KATNAL1: variants seen among roughly 807,000 people sequenced by gnomAD.
KATNAL1 encodes the protein katanin p60 ATPase-containing subunit A-like 1.
In KATNAL1, 32 loss-of-function variants were observed where a neutral mutation model predicts 55.2. The observed-to-expected ratio is 0.58, with a 90% CI of 0.44 to 0.78. The LOEUF is 0.78. KATNAL1 is among the 30% of genes least tolerant of loss of function. The probability of loss-of-function intolerance (pLI) is 0.00; values close to 1 mark genes in which losing one functional copy is unlikely to be tolerated. For synonymous variants in KATNAL1, 193 were observed against 193.6 expected, an observed-to-expected ratio of 1.00 and a Z score of 0.02; for missense variants, 466 against 600.9, an observed-to-expected ratio of 0.78 and a Z score of 2.35.
chr13:30,239,829 G>C (rs1877083312), intron 6 of KATNAL1, among the ~76,000 whole-genome samples: 1 of 151,846 alleles, frequency 6.6e-6, no homozygotes, highest in Admixed American at 6.6e-5. Context: ...GGGATTACAG[G>C]CATGCACCAC....
chr13:30,230,336 C>G (rs1037977946), intron 8 of KATNAL1, 132 bp downstream of exon 8: 4 of 744,798 alleles, frequency 5.4e-6, no homozygotes, highest in Non-Finnish European at 8.2e-6. Context: ...AGTGCATGAA[C>G]AAATGAACAA....
intron 3 of KATNAL1, among the ~76,000 whole-genome samples, chr13:30,258,336 T>C (rs926976216): frequency 6.6e-6 from 1 of 152,212 alleles, no homozygotes; most frequent in Non-Finnish European, 1.5e-5. Context: ...TCAATATTAT[T>C]TGTAAATGTT....
intron 3 of KATNAL1, among the ~76,000 whole-genome samples, chr13:30,259,791 G>C (rs1023415314): frequency 1.2e-4 from 18 of 152,198 alleles, no homozygotes; most frequent in Non-Finnish European, 2.5e-4. Context: ...CAGCAAGGCT[G>C]GGGGAGGGGC....
chr13:30,222,450 T>C (rs911879368), intron 9 of KATNAL1, among the ~76,000 whole-genome samples: 1 of 152,192 alleles, frequency 6.6e-6, no homozygotes, highest in East Asian at 1.9e-4. Context: ...TCTTTATATA[T>C]ACACATCCTG....
intron 4 of KATNAL1, among the ~76,000 whole-genome samples, chr13:30,249,137 C>T (rs939499243): frequency 6.6e-6 from 1 of 151,796 alleles, no homozygotes; most frequent in Non-Finnish European, 1.5e-5. Flanking sequence ...AAGGCTGAGG[C>T]AGGAGAATTG....
rs1227695499 is a variant in KATNAL1 at position 30,283,823 on chromosome 13, T to C, written c.-14-32A>G. 2.8e-6 allele frequency: 4 copies of C among 1,433,620 alleles called. No individual in the cohort carries two copies. The African/African-American group carries it at 4.3e-5, about 15-fold the overall frequency. The allele number at this position is 1,433,620 out of a possible 1,614,324, so 88.8% of individuals were successfully genotyped here. A position where few individuals can be genotyped will look rare whatever the true frequency, so the allele number is the denominator to read the frequency against. On this transcript the variant is annotated intron_variant, in intron 1 of 10. Coordinates refer to ENST00000380615, the MANE Select transcript of KATNAL1 (RefSeq NM_032116.5). Reference sequence around the variant, plus strand: ...ATAAAATATAATGACTTTTTAAAAATTTTCAGCACTGACTTTAAAACATTT... The same window carrying C: ...ATAAAATATAATGACTTTTTAAAAACTTTCAGCACTGACTTTAAAACATTT...
chr13:30,307,231 G>A (rs535368773), intron 1 of KATNAL1, 100 bp downstream of exon 1: 1 of 152,292 alleles, frequency 6.6e-6, no homozygotes. Context: ...GCAGCCCACT[G>A]CCCTGGCGTC....
chr13:30,240,075 C>A (rs1593870329), intron 6 of KATNAL1, among the ~76,000 whole-genome samples: 1 of 151,990 alleles, frequency 6.6e-6, no homozygotes, highest in African/African-American at 2.4e-5. Flanking sequence ...AATAATTAAC[C>A]ATCAGTGAGA....
chr13:30,233,854 A>G (rs1004818687), intron 6 of KATNAL1, among the ~76,000 whole-genome samples: 1 of 152,232 alleles, frequency 6.6e-6, no homozygotes, highest in African/African-American at 2.4e-5. Context: ...AAAAAGACAC[A>G]TATCACATGT....
intron 3 of KATNAL1, among the ~76,000 whole-genome samples, chr13:30,261,028 A>T (rs1879244595): frequency 6.6e-6 from 1 of 152,090 alleles, no homozygotes; most frequent in African/African-American, 2.4e-5. Context: ...CTCTCGGCAG[A>T]AACTCTACAA....
chr13:30,231,704 C>A (rs1876116826), intron 6 of KATNAL1, among the ~76,000 whole-genome samples: 1 of 152,076 alleles, frequency 6.6e-6, no homozygotes, highest in African/African-American at 2.4e-5. Flanking sequence ...AACAAAAAGA[C>A]TAGACAACAA....
intron 1 of KATNAL1, among the ~76,000 whole-genome samples, chr13:30,302,606 T>C (rs1250761547): frequency 6.6e-6 from 1 of 152,164 alleles, no homozygotes; most frequent in Non-Finnish European, 1.5e-5. Flanking sequence ...CTTATTGAAA[T>C]ACAGCAAATG....
chr13:30,211,594 C>CT, intron 9 of KATNAL1, among the ~76,000 whole-genome samples: 1 of 152,302 alleles, frequency 6.6e-6, no homozygotes, highest in East Asian at 1.9e-4. Flanking sequence ...CCAGTGTTTA[C>CT]TTTTTGGTTC....
At chr13:30,243,493 A>G (rs1877470370) in intron 4 of KATNAL1, among the ~76,000 whole-genome samples, 1 of 152,082 alleles carries the variant, frequency 6.6e-6, no homozygotes, top group Non-Finnish European at 1.5e-5. Context: ...TCAAGATGAT[A>G]AAGGGTTCAA....
intron 3 of KATNAL1, among the ~76,000 whole-genome samples, chr13:30,277,195 A>C (rs1233039057): frequency 6.6e-6 from 1 of 152,242 alleles, no homozygotes; most frequent in Non-Finnish European, 1.5e-5. Context: ...TTGTTTTATG[A>C]ATGAGGCTAT....
intron 3 of KATNAL1, among the ~76,000 whole-genome samples, chr13:30,274,896 C>CGCGCGCGT (rs1173530672): frequency 3.1e-3 from 315 of 100,540 alleles, no homozygotes; most frequent in African/African-American, 8.6e-3. Context: ...CACATACGCG[C>CGCGCGCGT]GCGCGCGCGC....
At chr13:30,242,449 C>T in intron 4 of KATNAL1, among the ~76,000 whole-genome samples, 1 of 152,104 alleles carries the variant, frequency 6.6e-6, no homozygotes, top group East Asian at 1.9e-4. Flanking sequence ...GGTTTTAGAG[C>T]AGTGAATGAA....
intron 1 of KATNAL1, among the ~76,000 whole-genome samples, chr13:30,305,213 G>T (rs150983287): frequency 6.6e-6 from 1 of 152,276 alleles, no homozygotes; most frequent in South Asian, 2.1e-4. Flanking sequence ...TCTGAATATG[G>T]TGCCAAGTAC....
Position 30,205,803 on chromosome 13 carries a change from G to A in KATNAL1, c.*2737C>T, listed in dbSNP as rs926986351. 1.1e-4 allele frequency: 16 copies of A among 142,946 alleles called. No homozygotes were observed. The highest frequency in any genetic ancestry group is 8.1e-4 in the East Asian group (4 of 4,948). 8.9% of individuals were successfully genotyped at this position (142,946 alleles called of 1,614,324 possible). On this transcript the variant is annotated 3_prime_UTR_variant, in exon 11 of 11. Coordinates refer to ENST00000380615, the MANE Select transcript of KATNAL1 (RefSeq NM_032116.5). ...GTGTGTGTGTGTCTCACGCCTATAA[G>A]GCAACACACTGTCTTCTGCAATAAA...
Sources: allele counts gnomAD v4.1 joint callset (sites outside exome capture counted in the v4.1 genomes callset), GRCh38; gene constraint gnomAD v4.1.1; transcripts MANE v1.5; gene names NCBI Gene and HGNC (gene_info 2026-07-23, HGNC 2026-07-21).